RTN3: variants seen among roughly 807,000 people sequenced by gnomAD.
RTN3 encodes reticulon 3.
RTN3 carries 49 observed loss-of-function variants against 77.8 expected under a neutral mutation model. That is an observed-to-expected ratio of 0.63 (90% CI 0.50 to 0.80). RTN3 has a LOEUF of 0.80. Among genes scored for constraint, RTN3 ranks in the 30% least tolerant of loss-of-function variants. The pLI, the probability that RTN3 is intolerant of heterozygous loss-of-function variation, is 0.00. For synonymous variants in RTN3, 464 were observed against 446.9 expected, an observed-to-expected ratio of 1.04 and a Z score of -0.48; for missense variants, 1,236 against 1,211.9, an observed-to-expected ratio of 1.02 and a Z score of -0.29.
chr11:63,682,170 T>C (rs116610175), intron 1 of RTN3, among the ~76,000 whole-genome samples: 1,627 of 152,166 alleles, frequency 0.011, 25 homozygotes, highest in African/African-American at 0.036. Context: ...GAGAAACAAT[T>C]TGTTACTATT....
intron 3 of RTN3, among the ~76,000 whole-genome samples, chr11:63,721,490 G>A (rs2011795225): frequency 6.6e-6 from 1 of 151,268 alleles, no homozygotes; most frequent in Admixed American, 6.6e-5. Flanking sequence ...CAGGAGAATG[G>A]CGTAAACCCG....
chr11:63,749,491 C>A (rs2013986951), intron 3 of RTN3, among the ~76,000 whole-genome samples: 1 of 152,116 alleles, frequency 6.6e-6, no homozygotes. Context: ...GTCTGTTCAC[C>A]TAACTAATTT....
chr11:63,736,129 G>C (rs1305442795), intron 3 of RTN3, among the ~76,000 whole-genome samples: 1 of 152,080 alleles, frequency 6.6e-6, no homozygotes, highest in East Asian at 1.9e-4. Context: ...TTTCCAAGCT[G>C]GCTGGTTGTT....
rs566282626 is a variant in RTN3, at chr11:63,721,293, C to T, written c.2530+261C>T. Among the ~76,000 whole-genome samples the T allele has an allele frequency of 2.4e-4, 36 of 152,028 alleles. 1 individual carries two copies. The highest frequency in any genetic ancestry group is 6.7e-4 in the African/African-American group (28 of 41,484). ...TTCCCCTAAATATTTTTTCTATGCT[C>T]GCTGGGTACGGTGGCTCACGCCTAT... On this transcript the variant is annotated intron_variant, in intron 3 of 8. Transcript: ENST00000377819.
intron 7 of RTN3, among the ~76,000 whole-genome samples, chr11:63,755,366 C>G (rs1270237384): frequency 6.6e-6 from 1 of 152,068 alleles, no homozygotes; most frequent in East Asian, 1.9e-4. Context: ...ACTTTTAAGG[C>G]TAGGTGTGGT....
intron 1 of RTN3, among the ~76,000 whole-genome samples, chr11:63,699,710 C>T (rs1942142016): frequency 6.6e-6 from 1 of 152,182 alleles, no homozygotes; most frequent in Non-Finnish European, 1.5e-5. Context: ...ACCTCATGAA[C>T]TTAAATCTTT....
intron 3 of RTN3, among the ~76,000 whole-genome samples, chr11:63,732,403 G>A (rs894139397): frequency 6.6e-6 from 1 of 151,708 alleles, no homozygotes; most frequent in African/African-American, 2.4e-5. Context: ...TCGAACTCCT[G>A]GCCTCAAGTG....
In RTN3 at chr11:63,720,105, G is replaced by A. The variant is rs1292653981; in HGVS notation, c.1603G>A (p.Gly535Ser). The A allele has an allele frequency of 1.2e-6, 2 of 1,613,122 alleles. No individual in the cohort carries two copies. The highest frequency in any genetic ancestry group is 2.2e-5 in the South Asian group (2 of 90,726). Reference protein sequence around the residue: ...VSIPSAVVKTGEREIKEIPSC... With the variant: ...VSIPSAVVKTSEREIKEIPSC... ...CATTCCAAGTGCTGTTGTAAAAACA[G>A]GTGAAAGAGAAATCAAAGAGATTCC... Residue 535 changes from glycine to serine, a missense_variant, in exon 3 of 9, where the codon GGT becomes AGT. By Grantham distance (56) the Gly-to-Ser change is moderately conservative. Coordinates refer to ENST00000377819, the MANE Select transcript of RTN3 (RefSeq NM_001265589.2).
In RTN3 at chr11:63,759,615, G is replaced by C. The variant is rs1301064746; in HGVS notation, c.*1414G>C. 1 of 152,486 alleles carries C rather than the reference G, an allele frequency of 6.6e-6. No homozygotes were observed. The allele number at this position is 152,486 out of a possible 1,614,324, so 9.4% of individuals were successfully genotyped here. A position where few individuals can be genotyped will look rare whatever the true frequency, so the allele number is the denominator to read the frequency against. On this transcript the variant is annotated 3_prime_UTR_variant, in exon 9 of 9. Transcript: ENST00000377819. ...AGGAAGTCAGTGATTGTCTTTTTGG[G>C]CTTCCCCTCCAAAGGACCTTCTGCA...
intron 3 of RTN3, among the ~76,000 whole-genome samples, chr11:63,723,484 C>T (rs1481497173): frequency 2.0e-5 from 3 of 149,290 alleles, no homozygotes; most frequent in Non-Finnish European, 3.0e-5. Flanking sequence ...AGTGCAGTGG[C>T]GCGATCTCGG....
rs2011749402 is a variant in RTN3 at position 63,721,015 on chromosome 11, T to G, written c.2513T>G (p.Leu838Arg). The G allele has an allele frequency of 6.3e-7, 1 of 1,597,004 alleles. No homozygotes were observed. The highest frequency in any genetic ancestry group is 2.2e-5 in the East Asian group (1 of 44,530). ...GTAAAAAAGCATGTCCTAGCAAGAC[T>G]TCTGACAGACTTCTCAGGTAACCAT... Reference protein sequence around the residue: ...ELVKKHVLARLLTDFSVHDLI... With the variant: ...ELVKKHVLARRLTDFSVHDLI... The change falls in exon 3 of 9, where the codon CTT becomes CGT. Residue 838 changes from leucine to arginine, a missense_variant. Leu to Arg is a moderately radical substitution (Grantham distance 102). Coordinates refer to ENST00000377819, the MANE Select transcript of RTN3 (RefSeq NM_001265589.2).
At chr11:63,733,230 ACAT>A (rs952149967) in intron 3 of RTN3, among the ~76,000 whole-genome samples, 6 of 151,858 alleles carry the variant, frequency 4.0e-5, no homozygotes, top group African/African-American at 1.5e-4. Context: ...CGAGGCAGGC[ACAT>A]CATGAGGTCA....
At chr11:63,734,267 T>G (rs1250769397) in intron 3 of RTN3, among the ~76,000 whole-genome samples, 1 of 151,784 alleles carries the variant, frequency 6.6e-6, no homozygotes, top group Non-Finnish European at 1.5e-5. Context: ...ACCAACATGG[T>G]GAAACCCCCA....
intron 3 of RTN3, among the ~76,000 whole-genome samples, chr11:63,727,150 GA>G (rs970171652): frequency 2.0e-5 from 3 of 151,088 alleles, no homozygotes; most frequent in African/African-American, 7.3e-5. Flanking sequence ...ACTCTATCTT[GA>G]AAAAAAAAGT....
intron 1 of RTN3, among the ~76,000 whole-genome samples, chr11:63,695,605 G>T (rs1941897304): frequency 6.6e-6 from 1 of 152,212 alleles, no homozygotes; most frequent in African/African-American, 2.4e-5. Context: ...TTGATAGTCT[G>T]TACTCTTGAT....
chr11:63,741,618 G>A (rs1404954147), intron 3 of RTN3, among the ~76,000 whole-genome samples: 1 of 150,294 alleles, frequency 6.7e-6, no homozygotes, highest in Non-Finnish European at 1.5e-5. Context: ...TACTGCCTCA[G>A]CCTCCCCAGT....
rs1412475122 is a variant in RTN3, at chr11:63,742,625, A to G, written c.2531-7366A>G. On this transcript the variant is annotated intron_variant, in intron 3 of 8. Transcript: ENST00000377819. ...ATGCCACTGCACTCCAGCCTGGGCA[A>G]CAAGAACAAAACTCCATCACACACA... 3.9e-5 allele frequency among the ~76,000 whole-genome samples: 6 copies of G among 152,106 alleles called. No homozygotes were observed. In the East Asian group the frequency reaches 1.2e-3, roughly 30 times the overall value.
At chr11:63,735,010 A>G (rs2012988873) in intron 3 of RTN3, among the ~76,000 whole-genome samples, 1 of 152,140 alleles carries the variant, frequency 6.6e-6, no homozygotes, top group South Asian at 2.1e-4. Context: ...GTTATATATT[A>G]ATAGCAAAAT....
At chr11:63,714,645 T>A (rs138325410) in intron 2 of RTN3, among the ~76,000 whole-genome samples, 2 of 151,646 alleles carry the variant, frequency 1.3e-5, no homozygotes, top group Non-Finnish European at 2.9e-5. Context: ...CCCAAGTGAC[T>A]GGGACTACAG....
Sources: allele counts gnomAD v4.1 joint callset (sites outside exome capture counted in the v4.1 genomes callset), GRCh38; gene constraint gnomAD v4.1.1; transcripts MANE v1.5; gene names NCBI Gene and HGNC (gene_info 2026-07-23, HGNC 2026-07-21).